ARID4A: variants seen among roughly 807,000 people sequenced by gnomAD.
The protein encoded by ARID4A is AT-rich interaction domain 4A.
A neutral mutation model predicts 148.6 loss-of-function variants in ARID4A; 39 were observed. The ratio of observed to expected loss-of-function variants is 0.26; its 90% CI spans 0.20 to 0.34. The LOEUF (loss-of-function observed/expected upper bound fraction) is 0.34, where lower values mean the gene tolerates loss of function less well. ARID4A is among the 10% of genes least tolerant of loss of function. The pLI is 1.00. For missense variants in ARID4A, 1,265 were observed against 1,449.1 expected (o/e 0.87, Z 2.06); for synonymous variants, 475 against 481.2 (o/e 0.99, Z 0.17).
rs1304050163 is a variant in ARID4A, at chr14:58,365,631, C to G, written c.3316+9C>G. ...TGAAAAGAATGGAACAGGTTGGTGTCTTTCAATGCTAGCTTTTGTATAGTG... is the reference window on the plus strand; with the variant it reads ...TGAAAAGAATGGAACAGGTTGGTGTGTTTCAATGCTAGCTTTTGTATAGTG... On this transcript the variant is annotated intron_variant, in intron 21 of 23. Transcript: ENST00000355431. 1 of 1,606,836 alleles carries G rather than the reference C, an allele frequency of 6.2e-7. No individual in the cohort carries two copies. Among genetic ancestry groups the G allele is most frequent in the South Asian group, 1.1e-5 (1 of 90,296 alleles).
chr14:58,299,699 T>G (rs1156974991), intron 1 of ARID4A, 99 bp from the exon 2 acceptor site: 3 of 1,020,908 alleles, frequency 2.9e-6, no homozygotes, highest in Non-Finnish European at 4.5e-6. Flanking sequence ...CTGGTGAGGA[T>G]TCTGCCCCTC....
chr14:58,313,263 G>A (rs527867309), intron 5 of ARID4A, among the ~76,000 whole-genome samples: 27 of 152,304 alleles, frequency 1.8e-4, no homozygotes, highest in South Asian at 1.2e-3. Context: ...ACCAGGGACC[G>A]GTTTCGTGAG....
intron 15 of ARID4A, among the ~76,000 whole-genome samples, chr14:58,350,100 TAAAAAAAAA>T (rs758927898): frequency 4.8e-5 from 4 of 83,810 alleles, no homozygotes; most frequent in African/African-American, 1.4e-4. Context: ...GACTCTGTCT[TAAAAAAAAA>T]AAAAAAAAAA....
chr14:58,333,227 A>G (rs770253985), intron 11 of ARID4A, among the ~76,000 whole-genome samples: 2 of 152,060 alleles, frequency 1.3e-5, no homozygotes, highest in Non-Finnish European at 2.9e-5. Context: ...CCTGGGGGAT[A>G]TTTTTATGGG....
At chr14:58,368,194 A>G (rs964906283) in intron 23 of ARID4A, among the ~76,000 whole-genome samples, 6 of 152,194 alleles carry the variant, frequency 3.9e-5, no homozygotes, top group African/African-American at 1.4e-4. Context: ...GGATGGAGTG[A>G]AAGTTTGCAT....
At chr14:58,362,860 C>G (rs575098949) in intron 19 of ARID4A, among the ~76,000 whole-genome samples, 1 of 151,926 alleles carries the variant, frequency 6.6e-6, no homozygotes, top group Non-Finnish European at 1.5e-5. Context: ...GCCCGGCCAC[C>G]AAAAAAGAAA....
chr14:58,355,915 A>G (rs555190890), intron 17 of ARID4A, among the ~76,000 whole-genome samples: 1 of 152,056 alleles, frequency 6.6e-6, no homozygotes, highest in East Asian at 1.9e-4. Flanking sequence ...TCATTTTATT[A>G]TACGCTCAGG....
At chr14:58,309,818 CTTGTAGTTACT>C (rs1026804023) in intron 5 of ARID4A, among the ~76,000 whole-genome samples, 7 of 152,150 alleles carry the variant, frequency 4.6e-5, no homozygotes, top group Non-Finnish European at 1.0e-4. Context: ...TATTTTGTAC[CTTGTAGTTACT>C]GTTTTGAACA....
rs779866898 is a variant in ARID4A at position 58,364,510 on chromosome 14, A to G, written c.2421A>G (p.Ile807Met). 6.8e-6 allele frequency: 11 copies of G among 1,612,098 alleles called. No individual in the cohort carries two copies. Among genetic ancestry groups the G allele is most frequent in the Non-Finnish European group, 8.5e-6 (10 of 1,179,658 alleles). The change falls in exon 20 of 24, where the codon ATA (isoleucine) becomes ATG (methionine). Residue 807 changes from isoleucine (I) to methionine (M), a missense_variant. This residue lies in a region of ARID4A where 666 missense variants were observed against 730.9 expected (regional missense o/e 0.91). Transcript: ENST00000355431. ...CAAAAGATCTTTCTTTAGAAATTATAAAGATTTCATCATTTGGCCAGAATG... is the reference window on the plus strand; with the variant it reads ...CAAAAGATCTTTCTTTAGAAATTATGAAGATTTCATCATTTGGCCAGAATG... ...SKTKDLSLEI[I>M]KISSFGQNEA...
At chr14:58,371,859 T>C (rs1477187222) in intron 23 of ARID4A, 27 bp from the exon 24 acceptor site, 1 of 1,553,552 alleles carries the variant, frequency 6.4e-7, no homozygotes, top group East Asian at 2.2e-5. Context: ...AGTTTTTGGA[T>C]CTAACATAGT....
intron 16 of ARID4A, 145 bp from the exon 17 acceptor site, chr14:58,353,510 TCTC>T (rs2034730687): frequency 3.0e-6 from 2 of 663,556 alleles, no homozygotes; most frequent in Non-Finnish European, 2.5e-6. Flanking sequence ...ACAGAAATCT[TCTC>T]CTTCTCCTCC....
chr14:58,329,885 C>T, intron 10 of ARID4A, 118 bp from the exon 11 acceptor site: 3 of 1,463,928 alleles, frequency 2.0e-6, no homozygotes, highest in Non-Finnish European at 2.7e-6. Flanking sequence ...CTTACTGTAT[C>T]ATTTTATAAA....
intron 15 of ARID4A, among the ~76,000 whole-genome samples, chr14:58,349,948 A>C (rs1241978856): frequency 6.6e-6 from 1 of 151,396 alleles, no homozygotes; most frequent in Non-Finnish European, 1.5e-5. Context: ...GTCTCTACTA[A>C]AAATACAAAA....
intron 5 of ARID4A, 144 bp from the exon 6 acceptor site, chr14:58,318,398 C>T (rs2032614637): frequency 3.8e-6 from 3 of 799,134 alleles, no homozygotes; most frequent in South Asian, 1.8e-5. Flanking sequence ...ATGGTATGCT[C>T]ATTGTAAAGG....
intron 5 of ARID4A, among the ~76,000 whole-genome samples, chr14:58,318,249 A>G (rs1264092194): frequency 5.9e-5 from 9 of 152,154 alleles, no homozygotes; most frequent in Non-Finnish European, 1.2e-4. Context: ...TTTAATATTT[A>G]TGCTTTGACT....
rs188669735 is a variant in ARID4A, at chr14:58,357,046, C to T, written c.1854-2086C>T. ...GTCTAGCGATATGCAGTATGATACT[C>T]TCTCATCAGACTGTGCAGCCACAAC... is the stretch of plus-strand genomic sequence containing the variant. On this transcript the variant is annotated intron_variant, in intron 17 of 23. Transcript: ENST00000355431. Among the ~76,000 whole-genome samples the T allele has an allele frequency of 1.5e-4, 23 of 152,266 alleles. No homozygotes were observed. In the East Asian group the frequency reaches 4.4e-3, roughly 29 times the overall value.
At chr14:58,302,475 CAG>C (rs1309071085) in intron 3 of ARID4A, among the ~76,000 whole-genome samples, 1 of 151,942 alleles carries the variant, frequency 6.6e-6, no homozygotes, top group African/African-American at 2.4e-5. Context: ...GCCTGGGTAA[CAG>C]AGCTAGACTC....
At chr14:58,319,226 ATTT>A (rs11328441) in intron 7 of ARID4A, among the ~76,000 whole-genome samples, 1 of 146,300 alleles carries the variant, frequency 6.8e-6, no homozygotes, top group Non-Finnish European at 1.5e-5. Context: ...CACCCAGCTA[ATTT>A]TTTTTTTTTT....
chr14:58,308,248 C>T (rs1174892279), intron 5 of ARID4A, among the ~76,000 whole-genome samples: 1 of 152,134 alleles, frequency 6.6e-6, no homozygotes, highest in Admixed American at 6.5e-5. Context: ...GCTTTAGAAT[C>T]TTAATTGCAT....
Sources: allele counts gnomAD v4.1 joint callset (sites outside exome capture counted in the v4.1 genomes callset), GRCh38; gene constraint gnomAD v4.1.1; regional missense constraint gnomAD v4.1.1; transcripts MANE v1.5; gene names NCBI Gene and HGNC (gene_info 2026-07-23, HGNC 2026-07-21).